The following SORL1 variants were observed in gnomAD, a reference collection of about 807,000 sequenced individuals.
SORL1 encodes sortilin related receptor 1, also known as sortilin-related receptor.
SORL1 carries 127 observed loss-of-function variants against 273.7 expected under a neutral mutation model. The observed-to-expected ratio is 0.46, with a 90% CI of 0.40 to 0.54. The LOEUF (loss-of-function observed/expected upper bound fraction) is 0.54. Ranked by LOEUF, SORL1 falls within the 20% of genes least tolerant of loss-of-function variation. SORL1 has a pLI of 0.00. For missense variants in SORL1, 2,494 were observed against 2,846.1 expected (o/e 0.88, Z 2.81); for synonymous variants, 1,031 against 1,067.4 (o/e 0.97, Z 0.66).
chr11:121,539,607 T>A (rs987597108), intron 12 of SORL1, among the ~76,000 whole-genome samples: 1 of 151,110 alleles, frequency 6.6e-6, no homozygotes, highest in South Asian at 2.1e-4. Flanking sequence ...CAAAATAGAA[T>A]TTTTTTTCTA....
chr11:121,463,020 T>G lies in SORL1; in HGVS notation c.286-6987T>G, dbSNP rs60602341. On this transcript the variant is annotated intron_variant, in intron 1 of 47. Transcript: ENST00000260197. ...AACCATCCTGAAGAGCTGTGAGAAA[T>G]GACTTTGGGCTCACAGGGAAATCCT... Among the ~76,000 whole-genome samples the G allele has an allele frequency of 3.0e-4, 45 of 152,270 alleles. No individual in the cohort carries two copies. The East Asian group carries it at 7.3e-3, about 25-fold the overall frequency.
chr11:121,549,738 T>G (rs76021797), intron 14 of SORL1, among the ~76,000 whole-genome samples: 1 of 150,940 alleles, frequency 6.6e-6, no homozygotes, highest in Non-Finnish European at 1.5e-5. Flanking sequence ...TTTTTTTTTT[T>G]GGTCTATTTA....
intron 3 of SORL1, among the ~76,000 whole-genome samples, chr11:121,487,387 T>C (rs1861491060): frequency 6.6e-6 from 1 of 152,168 alleles, no homozygotes; most frequent in South Asian, 2.1e-4. Flanking sequence ...TCAGATTCAC[T>C]CATCCACACA....
Position 121,574,326 on chromosome 11 carries a change from G to T in SORL1, c.3423G>T (p.Glu1141Asp). Reference protein sequence around the residue: ...CIPLSYKCDLEDDCGDNSDES... With the variant: ...CIPLSYKCDLDDDCGDNSDES... ...CACTGTCCTATAAATGTGACCTTGA[G>T]GATGACTGTGGAGACAACAGTGATG... is the stretch of plus-strand genomic sequence containing the variant. Residue 1141 changes from glutamate to aspartate, a missense_variant, in exon 24 of 48, where the codon GAG becomes GAT. Around this residue, in one of 3 missense-constraint regions of SORL1, gnomAD observed 1,609 missense variants for 1,816.4 expected, o/e 0.89. Coordinates refer to ENST00000260197, the MANE Select transcript of SORL1 (RefSeq NM_003105.6). The T allele has an allele frequency of 6.2e-7, 1 of 1,613,656 alleles. No homozygotes were observed. The highest frequency in any genetic ancestry group is 1.7e-4 in the Middle Eastern group (1 of 6,060).
chr11:121,625,752 G>A (rs979769492), intron 46 of SORL1, among the ~76,000 whole-genome samples: 1 of 152,128 alleles, frequency 6.6e-6, no homozygotes, highest in African/African-American at 2.4e-5. Context: ...ACTGGAATTT[G>A]TCCTGGGATC....
chr11:121,487,781 A>C (rs1861496173), intron 3 of SORL1, among the ~76,000 whole-genome samples: 1 of 152,162 alleles, frequency 6.6e-6, no homozygotes, highest in Non-Finnish European at 1.5e-5. Flanking sequence ...AAACAAGCCC[A>C]CCTTGTAGCT....
chr11:121,485,949 T>C (rs1861465879), intron 3 of SORL1, among the ~76,000 whole-genome samples: 1 of 152,174 alleles, frequency 6.6e-6, no homozygotes, highest in Non-Finnish European at 1.5e-5. Flanking sequence ...ACAAAATATG[T>C]CCCTGGGAAG....
Position 121,629,433 on chromosome 11 carries a change from T to C in SORL1, c.6578-63T>C, listed in dbSNP as rs1339897261. ...TAGGGTTGAGGGGTGGGTAGAGTGG[T>C]GGGATATGGGGTCAGGTGAAAATGT... On this transcript the variant is annotated intron_variant, in intron 47 of 47. Transcript: ENST00000260197. 10 of 840,606 alleles carry C rather than the reference T, an allele frequency of 1.2e-5. No individual in the cohort carries two copies. The Admixed American group carries it at 1.4e-4, about 12-fold the overall frequency. The allele number at this position is 840,606 out of a possible 1,614,324, so 52.1% of individuals were successfully genotyped here. A position where few individuals can be genotyped will look rare whatever the true frequency, so the allele number is the denominator to read the frequency against.
chr11:121,537,848 A>G (rs1264933938), intron 12 of SORL1, among the ~76,000 whole-genome samples: 1 of 152,186 alleles, frequency 6.6e-6, no homozygotes, highest in East Asian at 1.9e-4. Context: ...TGCTCCCTGG[A>G]GATGCACAGT....
At chr11:121,580,237 G>A (rs1416209821) in intron 25 of SORL1, among the ~76,000 whole-genome samples, 1 of 152,142 alleles carries the variant, frequency 6.6e-6, no homozygotes, top group Admixed American at 6.5e-5. Context: ...TACTTTCTCT[G>A]GTCTTGTCTT....
chr11:121,513,071 A>C lies in SORL1; in HGVS notation c.1008A>C (p.Arg336Ser), dbSNP rs943532435. The C allele has an allele frequency of 6.2e-7, 1 of 1,613,786 alleles. No individual in the cohort carries two copies. The highest frequency in any genetic ancestry group is 1.3e-5 in the African/African-American group (1 of 74,874). The change falls in exon 7 of 48, where the codon AGA becomes AGC. Residue 336 changes from arginine (R) to serine (S), a missense_variant. By Grantham distance (110) the Arg-to-Ser change is moderately radical (BLOSUM62 -1). This residue lies in a region of SORL1 where 710 missense variants were observed against 882.5 expected (regional missense o/e 0.80). Coordinates refer to ENST00000260197, the MANE Select transcript of SORL1 (RefSeq NM_003105.6). ...TCTCCTTTGGCCGGAAGCCCATGAG[A>C]GCAGCCCAGTTTGTCACAAGACATC... ...LWVSFGRKPMRAAQFVTRHPI... is the reference protein window; with the variant it reads ...LWVSFGRKPMSAAQFVTRHPI...
chr11:121,592,701 A>G (rs928839099), intron 31 of SORL1, among the ~76,000 whole-genome samples: 1 of 152,248 alleles, frequency 6.6e-6, no homozygotes, highest in Non-Finnish European at 1.5e-5. Flanking sequence ...GTCTCCTACA[A>G]TAATAGGCAA....
chr11:121,508,153 C>T (rs1861815575), intron 6 of SORL1, among the ~76,000 whole-genome samples: 1 of 152,184 alleles, frequency 6.6e-6, no homozygotes, highest in Non-Finnish European at 1.5e-5. Flanking sequence ...TAGGGTATAC[C>T]TTCAATGCTT....
Position 121,559,642 on chromosome 11 carries a change from A to C in SORL1, c.3034A>C (p.Lys1012Gln), listed in dbSNP as rs1333360838. The change falls in exon 21 of 48, where the codon AAG becomes CAG. Residue 1012 changes from lysine to glutamine, a missense_variant. Lys to Gln is a moderately conservative substitution (Grantham distance 53, BLOSUM62 1). Transcript: ENST00000260197. ...TGLMDMKIFY[K>Q]GKNTGSNACV... is the part of the protein sequence containing the mutation. ...GCTCATGGACATGAAGATTTTCTAC[A>C]AGGGGAAGAACACTGGTAAGCCAGA... 2 of 1,614,130 alleles carry C rather than the reference A, an allele frequency of 1.2e-6. No individual in the cohort carries two copies. The highest frequency in any genetic ancestry group is 3.3e-5 in the Admixed American group (2 of 60,018).
At position 121,570,262 on chromosome 11, in the gene SORL1, G is replaced by A; in HGVS notation, c.3329G>A (p.Arg1110Lys). 4.3e-6 allele frequency: 7 copies of A among 1,610,980 alleles called. No homozygotes were observed. Among genetic ancestry groups the A allele is most frequent in the Non-Finnish European group, 5.9e-6 (7 of 1,177,232 alleles). ...DNDCGDMSDE[R>K]NCPTTICDLD... ...GACTGTGGAGACATGAGCGATGAGA[G>A]AAACTGCCGTGAGTCTTCTGGATTG... Residue 1110 changes from arginine (R) to lysine (K), a missense_variant, in exon 23 of 48, where the codon AGA becomes AAA. This residue lies in a region of SORL1 where 1,609 missense variants were observed against 1,816.4 expected (regional missense o/e 0.89). Coordinates refer to ENST00000260197, the MANE Select transcript of SORL1 (RefSeq NM_003105.6).
intron 32 of SORL1, among the ~76,000 whole-genome samples, chr11:121,602,631 G>A (rs1343797263): frequency 1.3e-5 from 2 of 152,152 alleles, no homozygotes; most frequent in African/African-American, 4.8e-5. Context: ...GGAGGGGGTC[G>A]AGGTCAAGAG....
intron 21 of SORL1, among the ~76,000 whole-genome samples, chr11:121,566,497 G>A (rs1266189449): frequency 2.6e-5 from 4 of 152,122 alleles, no homozygotes; most frequent in African/African-American, 9.7e-5. Context: ...GTGCTGCCAT[G>A]CCTGGCCTCC....
At chr11:121,461,186 A>AC (rs966066089) in intron 1 of SORL1, among the ~76,000 whole-genome samples, 8 of 151,976 alleles carry the variant, frequency 5.3e-5, no homozygotes, top group African/African-American at 1.9e-4. Context: ...TGGTTAAAAA[A>AC]AAAAAAAATC....
chr11:121,494,741 C>G (rs1861602962), intron 5 of SORL1, among the ~76,000 whole-genome samples: 1 of 152,158 alleles, frequency 6.6e-6, no homozygotes, highest in Admixed American at 6.5e-5. Context: ...CTTTCTATCT[C>G]TAGGTGTTGG....
Sources: allele counts gnomAD v4.1 joint callset (sites outside exome capture counted in the v4.1 genomes callset), GRCh38; gene constraint gnomAD v4.1.1; regional missense constraint gnomAD v4.1.1; transcripts MANE v1.5; gene names NCBI Gene and HGNC (gene_info 2026-07-23, HGNC 2026-07-21).